Variants in SCD5 observed in about 807,000 individuals in gnomAD.
The protein encoded by SCD5 is acyl-CoA-desaturase 4.
In SCD5, 20 loss-of-function variants were observed where a neutral mutation model predicts 30.4. The ratio of observed to expected loss-of-function variants is 0.66; its 90% CI spans 0.46 to 0.96. The LOEUF is 0.96. Among genes scored for constraint, SCD5 ranks in the 40% least tolerant of loss-of-function variants. SCD5 has a pLI of 0.00. For missense variants in SCD5, 381 were observed against 443.3 expected, an observed-to-expected ratio of 0.86 and a Z score of 1.26; for synonymous variants, 173 against 176.4, an observed-to-expected ratio of 0.98 and a Z score of 0.16.
chr4:82,691,567 T>C (rs1399683635), intron 2 of SCD5, among the ~76,000 whole-genome samples: 1 of 151,686 alleles, frequency 6.6e-6, no homozygotes, highest in Non-Finnish European at 1.5e-5. Flanking sequence ...GGCACAGAGG[T>C]TTAAAAACCC....
intron 1 of SCD5, among the ~76,000 whole-genome samples, chr4:82,720,876 G>A (rs1720355248): frequency 6.6e-6 from 1 of 152,186 alleles, no homozygotes; most frequent in African/African-American, 2.4e-5. Context: ...TCCGGGCCAG[G>A]CACAGTCACT....
intron 3 of SCD5, among the ~76,000 whole-genome samples, chr4:82,674,189 T>G (rs1303808142): frequency 1.3e-5 from 2 of 152,166 alleles, no homozygotes; most frequent in East Asian, 3.8e-4. Context: ...CAAAAGATAC[T>G]GTCAAGAGAA....
chr4:82,730,531 C>T (rs1412471132), intron 1 of SCD5, among the ~76,000 whole-genome samples: 1 of 149,592 alleles, frequency 6.7e-6, no homozygotes, highest in Non-Finnish European at 1.5e-5. Flanking sequence ...CTCCTGACAT[C>T]ATGATCCGCC....
chr4:82,634,485 TC>T (rs1187379506), intron 4 of SCD5, among the ~76,000 whole-genome samples: 1 of 127,054 alleles, frequency 7.9e-6, no homozygotes, highest in African/African-American at 2.7e-5. Context: ...GCACACCACC[TC>T]CCCCCCCCAT....
intron 2 of SCD5, among the ~76,000 whole-genome samples, chr4:82,690,134 T>G (rs960215987): frequency 1.3e-5 from 2 of 152,218 alleles, no homozygotes; most frequent in African/African-American, 4.8e-5. Flanking sequence ...AATCCCTGAC[T>G]TTGGTAAGTG....
chr4:82,771,699 A>G (rs1310372627), intron 1 of SCD5, among the ~76,000 whole-genome samples: 1 of 152,114 alleles, frequency 6.6e-6, no homozygotes, highest in Non-Finnish European at 1.5e-5. Context: ...CCCTTCATTA[A>G]CCCTGGCAGG....
intron 1 of SCD5, among the ~76,000 whole-genome samples, chr4:82,748,424 G>A (rs753391424): frequency 1.6e-4 from 24 of 152,174 alleles, no homozygotes; most frequent in Non-Finnish European, 2.6e-4. Flanking sequence ...GTCACATTCA[G>A]CTGTGTCTAT....
intron 2 of SCD5, among the ~76,000 whole-genome samples, chr4:82,694,208 T>TCC (rs1719637274): frequency 6.6e-6 from 1 of 151,980 alleles, no homozygotes; most frequent in Admixed American, 6.6e-5. Flanking sequence ...AAATCCCCAC[T>TCC]CCCCACCTTT....
intron 1 of SCD5, among the ~76,000 whole-genome samples, chr4:82,737,814 C>T (rs1720782212): frequency 6.6e-6 from 1 of 151,974 alleles, no homozygotes; most frequent in Admixed American, 6.6e-5. Context: ...GAGAAGAAAC[C>T]AAAGTCAAGT....
At chr4:82,658,175 G>A (rs943889446) in intron 3 of SCD5, among the ~76,000 whole-genome samples, 1 of 152,052 alleles carries the variant, frequency 6.6e-6, no homozygotes, top group Non-Finnish European at 1.5e-5. Flanking sequence ...TCTTGTGCTG[G>A]TTTCAAAGGG....
At chr4:82,769,936 CA>C (rs5859829) in intron 1 of SCD5, among the ~76,000 whole-genome samples, 5,934 of 148,112 alleles carry the variant, frequency 0.04, 160 homozygotes, top group African/African-American at 0.077. Flanking sequence ...CTTACAGAAA[CA>C]AAAAAAAAAT....
chr4:82,740,541 T>A (rs1216706023), intron 1 of SCD5, among the ~76,000 whole-genome samples: 1 of 152,220 alleles, frequency 6.6e-6, no homozygotes, highest in Non-Finnish European at 1.5e-5. Flanking sequence ...GTATCATTCA[T>A]CCAACTCAGA....
intron 1 of SCD5, among the ~76,000 whole-genome samples, chr4:82,762,435 G>T (rs1721394707): frequency 6.6e-6 from 1 of 152,072 alleles, no homozygotes; most frequent in South Asian, 2.1e-4. Context: ...TAAAGACGAG[G>T]TTTCACCATG....
At chr4:82,657,223 T>C (rs995286315) in intron 3 of SCD5, among the ~76,000 whole-genome samples, 2 of 152,224 alleles carry the variant, frequency 1.3e-5, no homozygotes, top group African/African-American at 2.4e-5. Flanking sequence ...AGGGTTTTTA[T>C]GGTTTTAGGT....
intron 1 of SCD5, among the ~76,000 whole-genome samples, chr4:82,747,425 T>C (rs979081329): frequency 6.6e-6 from 1 of 152,208 alleles, no homozygotes; most frequent in African/African-American, 2.4e-5. Flanking sequence ...TCTTACCCAC[T>C]GCTACAAAGG....
intron 1 of SCD5, among the ~76,000 whole-genome samples, chr4:82,772,450 G>A (rs866491424): frequency 2.2e-4 from 34 of 152,234 alleles, no homozygotes; most frequent in African/African-American, 6.5e-4. Flanking sequence ...ACTTGTGCTG[G>A]TTAGCTTTGA....
intron 3 of SCD5, among the ~76,000 whole-genome samples, chr4:82,663,918 T>C (rs1028422620): frequency 7.9e-5 from 12 of 152,088 alleles, no homozygotes; most frequent in South Asian, 2.1e-4. Flanking sequence ...ACAGCAGAGG[T>C]TGGCTACTGC....
rs149015294 is a variant in SCD5 at position 82,687,867 on chromosome 4, C to A, written c.364-6955G>T. On this transcript the variant is annotated intron_variant, in intron 2 of 4. Transcript: ENST00000319540. ...CTTCCTTTTATGTTCAAAATAAATT[C>A]TCGAATCTAGTCATCTAAATGGCAA... Among the ~76,000 whole-genome samples the A allele has an allele frequency of 4.1e-3, 617 of 152,300 alleles. 2 individuals carry two copies. The highest frequency in any genetic ancestry group is 6.0e-3 in the Non-Finnish European group (408 of 68,028).
intron 2 of SCD5, among the ~76,000 whole-genome samples, chr4:82,685,210 G>A (rs1027463413): frequency 3.3e-5 from 5 of 152,116 alleles, no homozygotes; most frequent in Non-Finnish European, 5.9e-5. Context: ...GTAGGTGGGC[G>A]AGCGAGAGAG....
Sources: gnomAD v4.1 joint callset for allele counts (sites outside exome capture counted in the v4.1 genomes callset) on GRCh38, gnomAD v4.1.1 for gene constraint, MANE v1.5 for transcripts, NCBI Gene and HGNC (gene_info 2026-07-23, HGNC 2026-07-21) for gene names.